The following MAG variants were observed in gnomAD, a reference collection of about 807,000 sequenced individuals.
The protein encoded by MAG is myelin associated glycoprotein, also known as myelin-associated glycoprotein.
MAG carries 30 observed loss-of-function variants against 60.7 expected under a neutral mutation model. The ratio of observed to expected loss-of-function variants is 0.49; its 90% CI spans 0.37 to 0.67. The LOEUF is 0.67. MAG is among the 30% of genes least tolerant of loss of function. MAG has a pLI of 0.00. For missense variants in MAG, 795 were observed against 851.7 expected (o/e 0.93, Z 0.83); for synonymous variants, 384 against 376.8 (o/e 1.02, Z -0.22).
intron 10 of MAG, 48 bp from the exon 11 acceptor site, chr19:35,313,242 G>A (rs2066541627): frequency 1.3e-6 from 2 of 1,571,692 alleles, no homozygotes; most frequent in Non-Finnish European, 1.7e-6. Flanking sequence ...TCTGCATTGG[G>A]AAAAGGCAGG....
intron 7 of MAG, among the ~76,000 whole-genome samples, chr19:35,303,874 C>G (rs2066465898): frequency 6.6e-6 from 1 of 151,908 alleles, no homozygotes; most frequent in South Asian, 2.1e-4. Context: ...TTAAGCAATT[C>G]CCTCTGGAAT....
chr19:35,299,673 G>A lies in MAG; in HGVS notation c.535G>A (p.Gly179Arg). 1 of 1,602,678 alleles carries A rather than the reference G, an allele frequency of 6.2e-7. No homozygotes were observed. The highest frequency in any genetic ancestry group is 8.5e-7 in the Non-Finnish European group (1 of 1,175,424). Residue 179 changes from glycine (G) to arginine (R), a missense_variant, in exon 5 of 11, where the codon GGG (glycine) becomes AGG (arginine). Transcript: ENST00000392213. ...TGAGCTGAGCTGGCTGGGCCACGAG[G>A]GGCTGGGGGAGCCCGCTGTGCTGGG... is the stretch of plus-strand genomic sequence containing the variant. The part of the protein sequence containing the change: ...RPELSWLGHE[G>R]LGEPAVLGRL...
chr19:35,313,005 A>G (rs568578277), intron 10 of MAG, among the ~76,000 whole-genome samples: 2 of 152,118 alleles, frequency 1.3e-5, no homozygotes, highest in Non-Finnish European at 2.9e-5. Context: ...AGCCATTGCA[A>G]TCCAGCCTGG....
Position 35,299,568 on chromosome 19 carries a change from G to T in MAG, c.430G>T (p.Val144Leu), listed in dbSNP as rs763718467. 6.3e-6 allele frequency: 10 copies of T among 1,591,876 alleles called. No individual in the cohort carries two copies. The Admixed American group carries it at 1.7e-4, about 27-fold the overall frequency. ...VLDIVNTPNI[V>L]VPPEVVAGTE... is the part of the protein sequence containing the mutation. ...GCCTCGTATAGACACCCCCAACATC[G>T]TGGTGCCCCCAGAGGTGGTGGCAGG... Residue 144 changes from valine to leucine, a missense_variant, in exon 5 of 11, where the codon GTG becomes TTG. Transcript: ENST00000392213.
At chr19:35,303,369 C>T (rs1453051953) in intron 7 of MAG, among the ~76,000 whole-genome samples, 1 of 152,186 alleles carries the variant, frequency 6.6e-6, no homozygotes, top group African/African-American at 2.4e-5. Flanking sequence ...GCAACCCACT[C>T]ATTTAATCCT....
chr19:35,302,828 G>A (rs2066458734), intron 7 of MAG, 120 bp downstream of exon 7: 2 of 1,226,442 alleles, frequency 1.6e-6, no homozygotes, highest in Admixed American at 2.3e-5. Flanking sequence ...GCAGAGACAA[G>A]GAAGGGAGGG....
rs200473087 is a variant in MAG at position 35,292,161 on chromosome 19, G to A, written c.-123G>A. ...TAGACCCTGGAAGGCAGGGGACTGC[G>A]AGCTGGGCTGGCGGAGCAGAGGTGC... On this transcript the variant is annotated 5_prime_UTR_variant, in exon 1 of 11. Coordinates refer to ENST00000392213, the MANE Select transcript of MAG (RefSeq NM_002361.4). The A allele has an allele frequency of 1.1e-3, 511 of 454,748 alleles. 10 individuals are homozygous for A. Among genetic ancestry groups the A allele is most frequent in the South Asian group, 7.6e-3 (493 of 64,492 alleles). 28.2% of individuals were successfully genotyped at this position (454,748 alleles called of 1,614,324 possible). A position where few individuals can be genotyped will look rare whatever the true frequency, so the allele number is the denominator to read the frequency against.
At chr19:35,312,216 C>T (rs2066533284) in intron 10 of MAG, 199 bp downstream of exon 10, 26 of 1,460,118 alleles carry the variant, frequency 1.8e-5, no homozygotes, top group Non-Finnish European at 2.2e-5. Context: ...GGCGATGGGA[C>T]GTGGGGCCTA....
chr19:35,295,307 A>G lies in MAG; in HGVS notation c.-23-79A>G. On this transcript the variant is annotated intron_variant, in intron 2 of 10. Coordinates refer to ENST00000392213, the MANE Select transcript of MAG (RefSeq NM_002361.4). The surrounding 1 kb of genome is among the most constrained non-coding windows in gnomAD (Gnocchi z 5.8). ...AATAGCAGCAGCAGCTAACATATGAATGGGCCCCTTCCTGAAGCCCAGATG... is the reference window on the plus strand; with the variant it reads ...AATAGCAGCAGCAGCTAACATATGAGTGGGCCCCTTCCTGAAGCCCAGATG... 1.8e-6 allele frequency: 2 copies of G among 1,087,964 alleles called. No homozygotes were observed. The highest frequency in any genetic ancestry group is 2.0e-4 in the Middle Eastern group (1 of 4,900). 67.4% of individuals were successfully genotyped at this position (1,087,964 alleles called of 1,614,324 possible).
chr19:35,308,412 C>A (rs981666228), intron 7 of MAG, among the ~76,000 whole-genome samples: 1 of 152,158 alleles, frequency 6.6e-6, no homozygotes, highest in Admixed American at 6.5e-5. Context: ...TCAGGCAGGG[C>A]CTGAGGGGCC....
intron 5 of MAG, 25 bp downstream of exon 5, chr19:35,299,875 G>A: frequency 2.1e-6 from 2 of 956,416 alleles, no homozygotes; most frequent in South Asian, 2.3e-5. Flanking sequence ...GGGCGGGGCG[G>A]GGTGGGGCGG....
Position 35,310,123 on chromosome 19 carries a change from A to G in MAG, c.1481A>G (p.Tyr494Cys). 2.5e-6 allele frequency: 4 copies of G among 1,611,042 alleles called. No individual in the cohort carries two copies. The highest frequency in any genetic ancestry group is 1.1e-5 in the South Asian group (1 of 90,974). ...GTCATCTGCACCGCGAGGAACCTCT[A>G]TGGCGCCAAGAGCCTGGAGCTGCCC... ...PRVICTARNL[Y>C]GAKSLELPFQ... The change falls in exon 8 of 11, where the codon TAT (tyrosine) becomes TGT (cysteine). Residue 494 changes from tyrosine (Y) to cysteine (C), a missense_variant. Tyr to Cys is a radical substitution (Grantham distance 194). Transcript: ENST00000392213.
At chr19:35,312,403 C>T in intron 10 of MAG, 1 of 1,327,370 alleles carries the variant, frequency 7.5e-7, no homozygotes, top group Non-Finnish European at 1.1e-6. Context: ...TCCGTGTGTC[C>T]CTGTCAGGCG....
intron 4 of MAG, 50 bp from the exon 5 acceptor site, chr19:35,299,504 C>T: frequency 7.2e-7 from 1 of 1,383,032 alleles, no homozygotes; most frequent in South Asian, 1.4e-5. Context: ...GGGACCGGGA[C>T]CGTAGCCCAG....
intron 7 of MAG, among the ~76,000 whole-genome samples, chr19:35,307,284 G>A (rs1330612933): frequency 6.6e-6 from 1 of 152,030 alleles, no homozygotes; most frequent in East Asian, 1.9e-4. Context: ...CCGTGAATCC[G>A]TGTGCCCGTG....
chr19:35,297,859 C>T (rs1173955568), intron 4 of MAG, among the ~76,000 whole-genome samples: 1 of 150,898 alleles, frequency 6.6e-6, no homozygotes, highest in Non-Finnish European at 1.5e-5. Context: ...ACAAACCACA[C>T]ACCACACACA....
At chr19:35,307,809 G>A (rs2066496160) in intron 7 of MAG, among the ~76,000 whole-genome samples, 1 of 152,236 alleles carries the variant, frequency 6.6e-6, no homozygotes, top group Non-Finnish European at 1.5e-5. Flanking sequence ...AAGTGACTTT[G>A]GGTGGAGGGT....
chr19:35,297,752 TAC>T (rs1369894482), intron 4 of MAG, among the ~76,000 whole-genome samples: 5 of 125,612 alleles, frequency 4.0e-5, no homozygotes, highest in African/African-American at 1.6e-4. Flanking sequence ...ACACACACAC[TAC>T]ACCCTATATA....
intron 9 of MAG, among the ~76,000 whole-genome samples, chr19:35,311,659 G>T (rs1238432545): frequency 6.6e-6 from 1 of 152,230 alleles, no homozygotes; most frequent in African/African-American, 2.4e-5. Flanking sequence ...CCTATGAGGG[G>T]AACCTGGAGA....
Sources: allele counts gnomAD v4.1 joint callset (sites outside exome capture counted in the v4.1 genomes callset), GRCh38; gene constraint gnomAD v4.1.1; non-coding constraint Gnocchi (gnomAD v3.1); transcripts MANE v1.5; gene names NCBI Gene and HGNC (gene_info 2026-07-23, HGNC 2026-07-21).